The following KAZN variants were observed in gnomAD, a reference collection of about 807,000 sequenced individuals.
The protein encoded by KAZN is kazrin, periplakin interacting protein.
In KAZN, 40 loss-of-function variants were observed where a neutral mutation model predicts 87.4. The ratio of observed to expected loss-of-function variants is 0.46; its 90% CI spans 0.36 to 0.60. The LOEUF is 0.60. KAZN is among the 20% of genes least tolerant of loss of function. The probability of loss-of-function intolerance (pLI) is 0.00; values close to 1 mark genes in which losing one functional copy is unlikely to be tolerated. For missense variants in KAZN, 898 were observed against 1,073.9 expected (o/e 0.84, Z 2.29); for synonymous variants, 466 against 458.3 (o/e 1.02, Z -0.22).
intron 2 of KAZN, among the ~76,000 whole-genome samples, chr1:14,230,527 C>T (rs914242471): frequency 3.3e-5 from 5 of 152,118 alleles, no homozygotes; most frequent in East Asian, 1.9e-4. Context: ...GCTTTGAACT[C>T]GGGTCGGAGT....
At chr1:14,640,955 C>T (rs941218692) in intron 1 of KAZN, among the ~76,000 whole-genome samples, 2 of 152,242 alleles carry the variant, frequency 1.3e-5, no homozygotes, top group South Asian at 2.1e-4. Flanking sequence ...CTTCTTTGAG[C>T]TGGCTGTATT....
chr1:14,330,685 A>G (rs1426673429), intron 2 of KAZN, among the ~76,000 whole-genome samples: 1 of 152,110 alleles, frequency 6.6e-6, no homozygotes, highest in Non-Finnish European at 1.5e-5. Flanking sequence ...ACATAAATAC[A>G]TGTATGTGGT....
At chr1:14,200,594 C>A (rs376222300) in intron 2 of KAZN, among the ~76,000 whole-genome samples, 2 of 152,232 alleles carry the variant, frequency 1.3e-5, no homozygotes, top group South Asian at 2.1e-4. Flanking sequence ...ATATTGGTAA[C>A]ATATAGGCAA....
intron 2 of KAZN, among the ~76,000 whole-genome samples, chr1:14,580,697 G>A (rs1363603482): frequency 6.6e-6 from 1 of 151,928 alleles, no homozygotes; most frequent in Non-Finnish European, 1.5e-5. Flanking sequence ...TTTTAAGCAG[G>A]TTTTATGCTG....
intron 1 of KAZN, among the ~76,000 whole-genome samples, chr1:14,672,287 G>C (rs1639962702): frequency 6.6e-6 from 1 of 152,140 alleles, no homozygotes; most frequent in Non-Finnish European, 1.5e-5. Flanking sequence ...CCTCCAAATC[G>C]AGTGGTAGGT....
chr1:14,723,348 A>C (rs1349252820), intron 1 of KAZN, among the ~76,000 whole-genome samples: 1 of 152,094 alleles, frequency 6.6e-6, no homozygotes, highest in Non-Finnish European at 1.5e-5. Flanking sequence ...AGAGCCCCCC[A>C]ACTGTGACAG....
intron 1 of KAZN, among the ~76,000 whole-genome samples, chr1:14,088,153 GTTC>G (rs1643896446): frequency 6.6e-6 from 1 of 151,600 alleles, no homozygotes; most frequent in African/African-American, 2.4e-5. Flanking sequence ...AATTTATCCA[GTTC>G]TTCTTAGATA....
intron 2 of KAZN, chr1:14,222,232 G>A (rs1417592519): frequency 6.6e-6 from 1 of 152,192 alleles, no homozygotes; most frequent in Non-Finnish European, 1.5e-5. Flanking sequence ...TTCTCTGGGT[G>A]ATAAGATTAT....
intron 1 of KAZN, among the ~76,000 whole-genome samples, chr1:14,665,330 C>T (rs10927491): frequency 0.24 from 36,683 of 151,640 alleles, 4,606 homozygotes; most frequent in South Asian, 0.31. Flanking sequence ...GAAAATGTGT[C>T]ATCACTGTTT....
intron 1 of KAZN, among the ~76,000 whole-genome samples, chr1:14,624,424 G>GAAAAA (rs374913141): frequency 1.5e-4 from 21 of 137,924 alleles, no homozygotes; most frequent in African/African-American, 5.3e-4. Flanking sequence ...TCCGTCTCAA[G>GAAAAA]AAAAAAAAAA....
chr1:14,702,326 C>CTGTGTGTGTGTGTGTGTGTGTG (rs3222186), intron 1 of KAZN, among the ~76,000 whole-genome samples: 55 of 133,366 alleles, frequency 4.1e-4, no homozygotes, highest in South Asian at 1.7e-3. Context: ...TTTTGCAAAA[C>CTGTGTGTGTGTGTGTGTGTGTG]TGTGTGTGTG....
At chr1:14,396,325 T>C (rs1662900031) in intron 2 of KAZN, among the ~76,000 whole-genome samples, 1 of 152,180 alleles carries the variant, frequency 6.6e-6, no homozygotes, top group Non-Finnish European at 1.5e-5. Flanking sequence ...ACACAGTTTC[T>C]CTAGTTCAGC....
intron 2 of KAZN, among the ~76,000 whole-genome samples, chr1:14,531,205 G>A (rs1403788797): frequency 1.3e-5 from 2 of 152,196 alleles, no homozygotes; most frequent in African/African-American, 4.8e-5. Flanking sequence ...AGACTCAGCT[G>A]TGCAAATTGT....
chr1:14,083,379 T>C (rs1377009104), intron 1 of KAZN, among the ~76,000 whole-genome samples: 1 of 152,240 alleles, frequency 6.6e-6, no homozygotes, highest in Non-Finnish European at 1.5e-5. Context: ...TAGAATTGAA[T>C]TCTATCTCTG....
intron 2 of KAZN, among the ~76,000 whole-genome samples, chr1:14,396,900 G>GTTT (rs33945798): frequency 0.16 from 23,518 of 149,792 alleles, 1,883 homozygotes; most frequent in East Asian, 0.23. Context: ...TGCTCTATGA[G>GTTT]TTTTTTTTTT....
intron 2 of KAZN, among the ~76,000 whole-genome samples, chr1:14,509,827 C>A (rs763682489): frequency 1.3e-5 from 2 of 152,102 alleles, no homozygotes; most frequent in Non-Finnish European, 2.9e-5. Flanking sequence ...AGAAAGGGCC[C>A]TTTTTGGATA....
intron 1 of KAZN, among the ~76,000 whole-genome samples, chr1:14,921,953 C>T (rs1303886479): frequency 6.6e-6 from 1 of 152,184 alleles, no homozygotes; most frequent in Non-Finnish European, 1.5e-5. Context: ...GTCAAGTCAC[C>T]CACCCTCTTC....
chr1:14,670,980 G>T (rs933428764), intron 1 of KAZN, among the ~76,000 whole-genome samples: 2 of 152,180 alleles, frequency 1.3e-5, no homozygotes, highest in East Asian at 1.9e-4. Flanking sequence ...GGCCATAGAT[G>T]ATGTCAAACA....
intron 1 of KAZN, among the ~76,000 whole-genome samples, chr1:14,100,255 C>G (rs1644220168): frequency 6.6e-6 from 1 of 152,108 alleles, no homozygotes. Flanking sequence ...TGAGTCCTGC[C>G]AGGAATCTGA....
Sources: gnomAD v4.1 joint callset for allele counts (sites outside exome capture counted in the v4.1 genomes callset) on GRCh38, gnomAD v4.1.1 for gene constraint, MANE v1.5 for transcripts, NCBI Gene and HGNC (gene_info 2026-07-23, HGNC 2026-07-21) for gene names.